The following TMEM132A variants were observed in gnomAD, a reference collection of about 807,000 sequenced individuals.
The protein encoded by TMEM132A is transmembrane protein 132A.
In TMEM132A, 48 loss-of-function variants were observed where a neutral mutation model predicts 69.9. The ratio of observed to expected loss-of-function variants is 0.69; its 90% confidence interval spans 0.55 to 0.87. TMEM132A has a LOEUF of 0.87. Ranked by LOEUF, TMEM132A falls within the 40% of genes least tolerant of loss-of-function variation. The pLI is 0.00. For synonymous variants in TMEM132A, 577 were observed against 613.7 expected, an observed-to-expected ratio of 0.94 and a Z score of 0.88; for missense variants, 1,287 against 1,407.2, an observed-to-expected ratio of 0.91 and a Z score of 1.37.
chr11:60,927,552 G>T lies in TMEM132A; in HGVS notation c.316-89G>T, dbSNP rs774731947. The T allele has an allele frequency of 7.0e-5, 100 of 1,438,804 alleles. 2 individuals are homozygous for T. The Middle Eastern group carries it at 1.1e-3, about 16-fold the overall frequency. 89.1% of individuals were successfully genotyped at this position (1,438,804 alleles called of 1,614,324 possible). A position where few individuals can be genotyped will look rare whatever the true frequency, so the allele number is the denominator to read the frequency against. ...AGAGGGGGAAACTGAGGCCCATAAAGGTTCTCTTCTGCCAAGCTGGGATCC... is the reference window on the plus strand; with the variant it reads ...AGAGGGGGAAACTGAGGCCCATAAATGTTCTCTTCTGCCAAGCTGGGATCC... On this transcript the variant is annotated intron_variant, in intron 2 of 10. Transcript: ENST00000453848.
intron 8 of TMEM132A, chr11:60,934,221 G>T (rs970019840): frequency 2.5e-6 from 1 of 401,516 alleles, no homozygotes; most frequent in Admixed American, 4.5e-5. Flanking sequence ...CGCCCCCAGG[G>T]TCCCCGTAAG....
intron 8 of TMEM132A, chr11:60,934,040 C>G (rs116239740): frequency 6.3e-6 from 3 of 477,890 alleles, no homozygotes; most frequent in Non-Finnish European, 1.1e-5. Flanking sequence ...CGCTCCTCCC[C>G]CGAGAATGTC....
intron 4 of TMEM132A, among the ~76,000 whole-genome samples, chr11:60,930,053 T>C (rs1856442587): frequency 6.6e-6 from 1 of 152,140 alleles, no homozygotes; most frequent in African/African-American, 2.4e-5. Flanking sequence ...GGAAAAGCTT[T>C]CTAAAGGAAA....
chr11:60,934,479 G>T lies in TMEM132A; in HGVS notation c.1560-9G>T. ...GCTGACGGCCAGTCCCGGCCTCCCC[G>T]CCCTGCAGGCCTGCGGAACCCGCTG... On this transcript the variant is annotated splice_polypyrimidine_tract_variant and intron_variant, in intron 8 of 10. Coordinates refer to ENST00000453848, the MANE Select transcript of TMEM132A (RefSeq NM_178031.3). The T allele has an allele frequency of 4.4e-6, 6 of 1,371,836 alleles. 1 individual carries two copies. Among genetic ancestry groups the T allele is most frequent in the Non-Finnish European group, 5.6e-6 (6 of 1,069,370 alleles). 85.0% of individuals were successfully genotyped at this position (1,371,836 alleles called of 1,614,324 possible).
intron 7 of TMEM132A, chr11:60,932,404 G>T (rs181125115): frequency 1.9e-5 from 6 of 323,150 alleles, no homozygotes; most frequent in African/African-American, 6.4e-5. Flanking sequence ...ACATACTCTG[G>T]GATCAGAAAG....
Position 60,936,912 on chromosome 11 carries a change from C to T in TMEM132A, c.*5C>T. 1 of 1,522,476 alleles carries T rather than the reference C, an allele frequency of 6.6e-7. No individual in the cohort carries two copies. The highest frequency in any genetic ancestry group is 8.8e-7 in the Non-Finnish European group (1 of 1,134,656). The allele number at this position is 1,522,476 out of a possible 1,614,324, so 94.3% of individuals were successfully genotyped here. A position where few individuals can be genotyped will look rare whatever the true frequency, so the allele number is the denominator to read the frequency against. ...AGGATCCGGGGCAGCTCCTGACCCT[C>T]CACAGCCACCTGGTCAGCCACCAGC... On this transcript the variant is annotated 3_prime_UTR_variant, in exon 11 of 11. Transcript: ENST00000453848.
In TMEM132A at chr11:60,927,720, T is replaced by C. The variant is rs1405066534; in HGVS notation, c.395T>C (p.Val132Ala). 3 of 1,613,668 alleles carry C rather than the reference T, an allele frequency of 1.9e-6. No homozygotes were observed. Among genetic ancestry groups the C allele is most frequent in the South Asian group, 1.1e-5 (1 of 91,086 alleles). ...CGGGCCGTTTCAGTGGAAGCGGCTG[T>C]GACTCCAGCAGAGCCCTACGCCCGG... ...DVRAVSVEAA[V>A]TPAEPYARVL... The change falls in exon 3 of 11, where the codon GTG (valine) becomes GCG (alanine). Residue 132 changes from valine (V) to alanine (A), a missense_variant. Physicochemically the swap from Val to Ala is moderately conservative, Grantham distance 64. Transcript: ENST00000453848.
In TMEM132A at chr11:60,934,668, C is replaced by T. The variant is rs528088514; in HGVS notation, c.1740C>T (p.Leu580=). 3 of 1,599,652 alleles carry T rather than the reference C, an allele frequency of 1.9e-6. No homozygotes were observed. The highest frequency in any genetic ancestry group is 1.1e-5 in the South Asian group (1 of 90,476). Residue 580 remains leucine, a synonymous_variant, in exon 9 of 11, where the codon CTC becomes CTT. Transcript: ENST00000453848. ...ACTGGCTGCTAGACGTGTCCCACCT[C>T]GTGGCGCCACACGCCCGCGTGCTGG... is the stretch of plus-strand genomic sequence containing the variant. The part of the protein sequence containing the change: ...GPDWLLDVSH[L]VAPHARVLDS...
chr11:60,928,566 G>T, intron 3 of TMEM132A, 63 bp from the exon 4 acceptor site: 1 of 1,485,706 alleles, frequency 6.7e-7, no homozygotes, highest in Non-Finnish European at 9.2e-7. Context: ...CATGGGTGCT[G>T]AGAATCCTGT....
In TMEM132A at chr11:60,935,647, C is replaced by T. The variant is rs112514623; in HGVS notation, c.2028+204C>T. 3,597 of 779,120 alleles carry T rather than the reference C, an allele frequency of 4.6e-3. 78 individuals are homozygous for T. The African/African-American group carries it at 0.056, about 12-fold the overall frequency. 48.3% of individuals were successfully genotyped at this position (779,120 alleles called of 1,614,324 possible). A position where few individuals can be genotyped will look rare whatever the true frequency, so the allele number is the denominator to read the frequency against. On this transcript the variant is annotated intron_variant, in intron 10 of 10. Coordinates refer to ENST00000453848, the MANE Select transcript of TMEM132A (RefSeq NM_178031.3). The surrounding 1 kb of genome is among the most constrained non-coding windows in gnomAD (Gnocchi z 5.0). ...TGGCAGTGGGAGGTTGGTTAGATGG[C>T]TCTAACTGAGGACCCTCCCAATAAC...
rs183884475 is a variant in TMEM132A, at chr11:60,925,116, G to C, written c.100+383G>C. On this transcript the variant is annotated intron_variant, in intron 1 of 10. Coordinates refer to ENST00000453848, the MANE Select transcript of TMEM132A (RefSeq NM_178031.3). ...CGCTGCACCCTCCTAGCCTCCTTCC[G>C]CCGCCACCAACCCACCCCCCTCGGG... 7.7e-4 allele frequency: 130 copies of C among 167,938 alleles called. 1 individual carries two copies. The highest frequency in any genetic ancestry group is 2.1e-3 in the African/African-American group (89 of 42,130). 10.4% of individuals were successfully genotyped at this position (167,938 alleles called of 1,614,324 possible). A position where few individuals can be genotyped will look rare whatever the true frequency, so the allele number is the denominator to read the frequency against.
Position 60,924,507 on chromosome 11 carries a change from C to CG in TMEM132A, c.-125dup. On this transcript the variant is annotated 5_prime_UTR_variant, in exon 1 of 11. Transcript: ENST00000453848. ...GGAATTGCAGCCGCGGGGCGGGCGG[C>CG]GGCGGCGGCGGCGGCGGCCGGGACC... 1 of 517,928 alleles carries CG rather than the reference C, an allele frequency of 1.9e-6. No individual in the cohort carries two copies. The highest frequency in any genetic ancestry group is 3.0e-6 in the Non-Finnish European group (1 of 336,686). 32.1% of individuals were successfully genotyped at this position (517,928 alleles called of 1,614,324 possible).
chr11:60,937,156 C>A lies in TMEM132A; in HGVS notation c.*249C>A. On this transcript the variant is annotated 3_prime_UTR_variant, in exon 11 of 11. Transcript: ENST00000453848. Reference sequence around the variant, plus strand: ...TAACAGAATAAACCGAGAAGGAAACCAGAGCTGGGACTGCTGCCGTCTGTC... The same window carrying A: ...TAACAGAATAAACCGAGAAGGAAACAAGAGCTGGGACTGCTGCCGTCTGTC... 6.4e-7 allele frequency: 1 copy of A among 1,560,372 alleles called. No homozygotes were observed. The highest frequency in any genetic ancestry group is 1.2e-5 in the South Asian group (1 of 85,072).
intron 3 of TMEM132A, 102 bp downstream of exon 3, chr11:60,927,961 G>A: frequency 1.0e-6 from 1 of 986,860 alleles, no homozygotes; most frequent in Non-Finnish European, 1.5e-6. Flanking sequence ...GAAGCGCGGG[G>A]GTTGTGGACC....
rs753799973 is a variant in TMEM132A at position 60,935,431 on chromosome 11, C to A, written c.2016C>A (p.Pro672=). The A allele has an allele frequency of 1.9e-6, 3 of 1,604,790 alleles. No homozygotes were observed. The highest frequency in any genetic ancestry group is 1.3e-5 in the African/African-American group (1 of 74,950). ...TATCWAQSAL[P]APKQEVALSL... ...CGTGCTGGGCACAGTCAGCCCTTCC[C>A]GCCCCAAAGCAGGTGACAGTTGGGG... The change falls in exon 10 of 11, where the codon CCC becomes CCA. Residue 672 remains proline, a synonymous_variant. Transcript: ENST00000453848. The surrounding 1 kb of genome is among the most constrained non-coding windows in gnomAD (Gnocchi z 5.0).
chr11:60,934,833 G>A, intron 9 of TMEM132A, 69 bp downstream of exon 9: 1 of 1,484,434 alleles, frequency 6.7e-7, no homozygotes, highest in Non-Finnish European at 9.0e-7. Context: ...ATGTTCGTGG[G>A]TGGGAGTGAA....
At chr11:60,930,376 TGGA>T in intron 4 of TMEM132A, 131 bp from the exon 5 acceptor site, 1 of 1,080,504 alleles carries the variant, frequency 9.3e-7, no homozygotes, top group Non-Finnish European at 1.3e-6. Flanking sequence ...CCTTCTGGGT[TGGA>T]GGATGGTGAA....
chr11:60,925,805 A>T (rs1361431387), intron 1 of TMEM132A: 8 of 152,344 alleles, frequency 5.3e-5, no homozygotes, highest in Non-Finnish European at 1.2e-4. Flanking sequence ...CTCCCTCCAG[A>T]CAGCACTCCA....
At position 60,935,492 on chromosome 11, in the gene TMEM132A, G is replaced by T; in HGVS notation, c.2028+49G>T. 1.3e-6 allele frequency: 2 copies of T among 1,534,110 alleles called. No homozygotes were observed. The highest frequency in any genetic ancestry group is 1.8e-6 in the Non-Finnish European group (2 of 1,131,734). ...ATGAGGTCAACATCTCCAGATGGGG[G>T]CTCATGGTAGAGGGGAATGGGAGGA... On this transcript the variant is annotated intron_variant, in intron 10 of 10. Coordinates refer to ENST00000453848, the MANE Select transcript of TMEM132A (RefSeq NM_178031.3). The surrounding 1 kb of genome is among the most constrained non-coding windows in gnomAD (Gnocchi z 5.0).
Sources: gnomAD v4.1 joint callset for allele counts (sites outside exome capture counted in the v4.1 genomes callset) on GRCh38, gnomAD v4.1.1 for gene constraint, Gnocchi (gnomAD v3.1) non-coding constraint, MANE v1.5 for transcripts, NCBI Gene and HGNC (gene_info 2026-07-23, HGNC 2026-07-21) for gene names.